Variants in CREB3L2 observed in about 807,000 individuals in gnomAD.
CREB3L2 encodes the protein cyclic AMP-responsive element-binding protein 3-like protein 2.
A neutral mutation model predicts 57.2 loss-of-function variants in CREB3L2; 23 were observed. The observed-to-expected ratio is 0.40, with a 90% CI of 0.29 to 0.57. The LOEUF (loss-of-function observed/expected upper bound fraction) is 0.57. Ranked by LOEUF, CREB3L2 falls within the 20% of genes least tolerant of loss-of-function variation. The pLI, the probability that CREB3L2 is intolerant of heterozygous loss-of-function variation, is 0.42. For synonymous variants in CREB3L2, 268 were observed against 265.1 expected (o/e 1.01, Z -0.11); for missense variants, 628 against 634.7 (o/e 0.99, Z 0.11).
intron 1 of CREB3L2, among the ~76,000 whole-genome samples, chr7:137,970,162 C>T (rs538464967): frequency 3.3e-5 from 5 of 151,946 alleles, no homozygotes; most frequent in Admixed American, 3.3e-4. Flanking sequence ...AAAATGGTGC[C>T]CAAAACAGTA....
At chr7:137,897,789 G>GA (rs1328319479) in intron 8 of CREB3L2, among the ~76,000 whole-genome samples, 3 of 152,148 alleles carry the variant, frequency 2.0e-5, no homozygotes, top group African/African-American at 4.8e-5. Context: ...ATACACATAA[G>GA]ATATTCCAAA....
chr7:137,969,446 A>G (rs916497464), intron 1 of CREB3L2, among the ~76,000 whole-genome samples: 1 of 143,734 alleles, frequency 7.0e-6, no homozygotes, highest in South Asian at 2.1e-4. Context: ...TCCCGGGTTC[A>G]TGCCATTCTC....
intron 10 of CREB3L2, 140 bp from the exon 11 acceptor site, chr7:137,882,768 T>A: frequency 1.8e-6 from 1 of 550,996 alleles, no homozygotes; most frequent in Non-Finnish European, 3.1e-6. Context: ...GCCAACAGAA[T>A]TTGGCTTTCT....
intron 1 of CREB3L2, among the ~76,000 whole-genome samples, chr7:137,983,132 G>A (rs1443443262): frequency 6.6e-6 from 1 of 152,160 alleles, no homozygotes; most frequent in Non-Finnish European, 1.5e-5. Flanking sequence ...CCAAAATACA[G>A]TCTACCTGTT....
intron 1 of CREB3L2, among the ~76,000 whole-genome samples, chr7:137,989,486 C>T (rs1270685279): frequency 8.7e-6 from 1 of 115,196 alleles, no homozygotes; most frequent in African/African-American, 3.3e-5. Flanking sequence ...GTAGGGTCTT[C>T]TCCCTGGCCA....
intron 4 of CREB3L2, among the ~76,000 whole-genome samples, chr7:137,910,749 G>T (rs532731092): frequency 6.6e-6 from 1 of 152,236 alleles, no homozygotes; most frequent in East Asian, 1.9e-4. Context: ...GACAGAAAGA[G>T]AATTTGAAGC....
chr7:137,933,559 A>T (rs1391226801), intron 1 of CREB3L2, among the ~76,000 whole-genome samples: 1 of 152,224 alleles, frequency 6.6e-6, no homozygotes, highest in Non-Finnish European at 1.5e-5. Flanking sequence ...TCATGTTACA[A>T]ACCATTCAGC....
At chr7:137,926,127 T>C (rs1800449992) in intron 2 of CREB3L2, among the ~76,000 whole-genome samples, 1 of 152,340 alleles carries the variant, frequency 6.6e-6, no homozygotes, top group South Asian at 2.1e-4. Flanking sequence ...TTTTACACTG[T>C]TGGTGGGAGT....
At chr7:137,972,703 A>C (rs1270377111) in intron 1 of CREB3L2, among the ~76,000 whole-genome samples, 2 of 49,890 alleles carry the variant, frequency 4.0e-5, no homozygotes, top group African/African-American at 1.2e-4. Flanking sequence ...AAAAAAAAAA[A>C]AAAAAAAAAA....
At chr7:137,927,282 A>AAAGG (rs1254620928) in intron 2 of CREB3L2, among the ~76,000 whole-genome samples, 1 of 119,466 alleles carries the variant, frequency 8.4e-6, no homozygotes, top group Non-Finnish European at 1.6e-5. Context: ...GGAAAGGAGG[A>AAAGG]AGGAAGGAAG....
At chr7:137,948,465 A>G (rs1801040717) in intron 1 of CREB3L2, among the ~76,000 whole-genome samples, 1 of 152,246 alleles carries the variant, frequency 6.6e-6, no homozygotes, top group Non-Finnish European at 1.5e-5. Flanking sequence ...ACAAAGTTGG[A>G]ATAAAACAAA....
intron 1 of CREB3L2, among the ~76,000 whole-genome samples, chr7:137,940,916 C>T (rs1800870984): frequency 6.6e-6 from 1 of 152,226 alleles, no homozygotes; most frequent in Non-Finnish European, 1.5e-5. Context: ...TCAGGCATGA[C>T]TCTGCCAGGA....
chr7:137,921,358 A>G (rs749601278), intron 2 of CREB3L2, among the ~76,000 whole-genome samples: 1 of 152,190 alleles, frequency 6.6e-6, no homozygotes, highest in Non-Finnish European at 1.5e-5. Flanking sequence ...TCACCACTTA[A>G]CTGTCAGCAA....
intron 1 of CREB3L2, among the ~76,000 whole-genome samples, chr7:137,970,792 G>A (rs190971680): frequency 6.6e-6 from 1 of 152,142 alleles, no homozygotes. Context: ...GCCAGCAACC[G>A]TTAAACACAC....
intron 1 of CREB3L2, among the ~76,000 whole-genome samples, chr7:137,997,888 T>C (rs1435852970): frequency 1.3e-5 from 2 of 152,194 alleles, no homozygotes; most frequent in Non-Finnish European, 2.9e-5. Context: ...CTTCTCACGG[T>C]GGTACCGAAC....
At chr7:137,982,433 A>C (rs1318234074) in intron 1 of CREB3L2, among the ~76,000 whole-genome samples, 23 of 127,810 alleles carry the variant, frequency 1.8e-4, no homozygotes, top group Admixed American at 1.7e-3. Flanking sequence ...CCCCACCCAA[A>C]TCTCATCTTG....
chr7:137,955,521 A>T (rs1217595360), intron 1 of CREB3L2, among the ~76,000 whole-genome samples: 2 of 152,226 alleles, frequency 1.3e-5, no homozygotes, highest in African/African-American at 4.8e-5. Flanking sequence ...TTTGTGATTC[A>T]ATTATTGTTC....
At chr7:137,953,031 G>A (rs969848344) in intron 1 of CREB3L2, among the ~76,000 whole-genome samples, 15 of 152,198 alleles carry the variant, frequency 9.9e-5, no homozygotes, top group African/African-American at 3.4e-4. Flanking sequence ...TGGCCAGGCT[G>A]GTCTCGAACT....
chr7:137,959,884 T>C (rs1801288887), intron 1 of CREB3L2, among the ~76,000 whole-genome samples: 1 of 152,180 alleles, frequency 6.6e-6, no homozygotes, highest in East Asian at 1.9e-4. Context: ...AGTGATAAAA[T>C]ACTTATTTAC....
Sources: gnomAD v4.1 joint callset for allele counts (sites outside exome capture counted in the v4.1 genomes callset) on GRCh38, gnomAD v4.1.1 for gene constraint, MANE v1.5 for transcripts, NCBI Gene and HGNC (gene_info 2026-07-23, HGNC 2026-07-21) for gene names.